The following SNTG1 variants were observed in gnomAD, a reference collection of about 807,000 sequenced individuals.
The protein encoded by SNTG1 is gamma-1-syntrophin.
Under a neutral mutation model 74.7 loss-of-function variants are expected in SNTG1, and 39 were observed. The ratio of observed to expected loss-of-function variants is 0.52; its 90% confidence interval spans 0.40 to 0.68. The LOEUF (loss-of-function observed/expected upper bound fraction) is 0.68, where lower values mean the gene tolerates loss of function less well. Ranked by LOEUF, SNTG1 falls within the 30% of genes least tolerant of loss-of-function variation. The pLI is 0.00. For missense variants in SNTG1, 685 were observed against 609.5 expected (o/e 1.12, Z -1.30); for synonymous variants, 254 against 217.1 (o/e 1.17, Z -1.49).
At chr8:50,564,191 T>G (rs142349085) in intron 12 of SNTG1, among the ~76,000 whole-genome samples, 2 of 152,148 alleles carry the variant, frequency 1.3e-5, no homozygotes, top group African/African-American at 4.8e-5. Flanking sequence ...AAGACTTTCC[T>G]TGTCCTGGTC....
chr8:50,673,287 T>C (rs2095293892), intron 15 of SNTG1, among the ~76,000 whole-genome samples: 1 of 152,236 alleles, frequency 6.6e-6, no homozygotes, highest in African/African-American at 2.4e-5. Flanking sequence ...ATTTTCATGA[T>C]ATTGATTCTT....
upstream of SNTG1, among the ~76,000 whole-genome samples, chr8:49,910,222 G>A (rs947128809): frequency 6.6e-6 from 1 of 152,162 alleles, no homozygotes; most frequent in Non-Finnish European, 1.5e-5. Context: ...CCGGGGAAGG[G>A]AGGCCAGGAG....
intron 18 of SNTG1, among the ~76,000 whole-genome samples, chr8:50,769,070 T>C (rs1349380875): frequency 6.6e-6 from 1 of 151,888 alleles, no homozygotes; most frequent in Admixed American, 6.6e-5. Flanking sequence ...ATATATTTTT[T>C]CTCCTTGCAT....
chr8:50,384,541 T>G (rs973853433), intron 2 of SNTG1, among the ~76,000 whole-genome samples: 1 of 152,196 alleles, frequency 6.6e-6, no homozygotes, highest in Non-Finnish European at 1.5e-5. Context: ...GGCTTATCAC[T>G]CTGGGGAATT....
chr8:50,022,021 G>A (rs963235142), intron 1 of SNTG1, among the ~76,000 whole-genome samples: 6 of 151,718 alleles, frequency 4.0e-5, no homozygotes, highest in African/African-American at 1.5e-4. Flanking sequence ...TTTCTTTAAA[G>A]ACATTTCATT....
intron 17 of SNTG1, among the ~76,000 whole-genome samples, chr8:50,712,268 A>T (rs2095463721): frequency 6.6e-6 from 1 of 152,162 alleles, no homozygotes; most frequent in South Asian, 2.1e-4. Flanking sequence ...ATGAGAAATC[A>T]TGTCTGTGGG....
At chr8:50,623,573 C>T (rs548402262) in intron 13 of SNTG1, among the ~76,000 whole-genome samples, 41 of 151,976 alleles carry the variant, frequency 2.7e-4, no homozygotes, top group Non-Finnish European at 4.9e-4. Context: ...CATTTCTACC[C>T]CACAAAAACA....
At chr8:50,628,503 G>A (rs1369250987) in intron 13 of SNTG1, among the ~76,000 whole-genome samples, 1 of 152,002 alleles carries the variant, frequency 6.6e-6, no homozygotes. Flanking sequence ...GAACTGTCAT[G>A]TTCTAGTCAA....
chr8:50,593,956 G>T (rs900238360), intron 13 of SNTG1, among the ~76,000 whole-genome samples: 1 of 152,112 alleles, frequency 6.6e-6, no homozygotes, highest in African/African-American at 2.4e-5. Context: ...GACCTTAAGT[G>T]ATCTGCCTGC....
chr8:50,082,428 A>G (rs1438170859), intron 1 of SNTG1, among the ~76,000 whole-genome samples: 1 of 152,192 alleles, frequency 6.6e-6, no homozygotes, highest in Non-Finnish European at 1.5e-5. Context: ...GGTTGTTTAT[A>G]TAACTTGCCT....
chr8:50,608,130 T>A (rs1202189195), intron 13 of SNTG1, among the ~76,000 whole-genome samples: 3 of 151,728 alleles, frequency 2.0e-5, no homozygotes, highest in African/African-American at 7.2e-5. Flanking sequence ...TTTTCCTGGA[T>A]CATGTTGCAG....
rs569779445 is a variant in SNTG1 at position 50,642,039 on chromosome 8, C to T, written c.850-14870C>T. 4.6e-5 allele frequency among the ~76,000 whole-genome samples: 7 copies of T among 152,262 alleles called. No homozygotes were observed. In the South Asian group the frequency reaches 1.5e-3, roughly 32 times the overall value. On this transcript the variant is annotated intron_variant, in intron 13 of 18. Coordinates refer to ENST00000642720, the MANE Select transcript of SNTG1 (RefSeq NM_018967.5). ...TATTTTCTATTTCTTTCTAAAATAA[C>T]CACAGTCTTGAAATGTCTAAAACTG...
intron 1 of SNTG1, among the ~76,000 whole-genome samples, chr8:49,984,468 G>T (rs748817019): frequency 6.6e-6 from 1 of 152,144 alleles, no homozygotes; most frequent in African/African-American, 2.4e-5. Flanking sequence ...GCCTCCCAAA[G>T]TGCTGGGATT....
chr8:50,162,559 C>CAAAAAAAAAAAAAAA (rs34746562), intron 1 of SNTG1, among the ~76,000 whole-genome samples: 1 of 83,954 alleles, frequency 1.2e-5, no homozygotes. Flanking sequence ...GACTCTGTCT[C>CAAAAAAAAAAAAAAA]AAAAAAAAAA....
intron 10 of SNTG1, 129 bp from the exon 11 acceptor site, chr8:50,536,549 A>T (rs2094308532): frequency 1.8e-6 from 2 of 1,103,614 alleles, no homozygotes; most frequent in Admixed American, 4.7e-5. Flanking sequence ...ACTTCTTCTC[A>T]TGGTATTCCA....
chr8:50,762,594 A>C (rs1386826593), intron 18 of SNTG1: 2 of 385,102 alleles, frequency 5.2e-6, no homozygotes, highest in African/African-American at 2.1e-5. Context: ...GGAGTCTCCA[A>C]ATACACCATC....
At chr8:50,293,038 G>A (rs986782878) in intron 2 of SNTG1, among the ~76,000 whole-genome samples, 2 of 152,128 alleles carry the variant, frequency 1.3e-5, no homozygotes, top group East Asian at 1.9e-4. Flanking sequence ...CCCCTCAGGA[G>A]GGTCCAGAAT....
rs1187690738 is a variant in SNTG1, at chr8:50,120,076, T to C, written c.-102-52485T>C. On this transcript the variant is annotated intron_variant, in intron 1 of 18. Coordinates refer to ENST00000642720, the MANE Select transcript of SNTG1 (RefSeq NM_018967.5). Reference sequence around the variant, plus strand: ...TAAAAATGTAGCTTTGCCATTTACCTTGGACACATTGCATAACATCTGTCT... The same window carrying C: ...TAAAAATGTAGCTTTGCCATTTACCCTGGACACATTGCATAACATCTGTCT... Among the ~76,000 whole-genome samples, 3 of 141,864 alleles carry C rather than the reference T, an allele frequency of 2.1e-5. 1 individual carries two copies. The highest frequency in any genetic ancestry group is 4.7e-5 in the Non-Finnish European group (3 of 63,680). The allele number at this position is 141,864 out of a possible 152,430, so 93.1% of individuals were successfully genotyped here.
chr8:50,601,805 G>T (rs1299447989), intron 13 of SNTG1, among the ~76,000 whole-genome samples: 3 of 151,968 alleles, frequency 2.0e-5, no homozygotes, highest in African/African-American at 7.3e-5. Context: ...GGGTGCTTTG[G>T]TACTGGGTGC....
Sources: gnomAD v4.1 joint callset for allele counts (sites outside exome capture counted in the v4.1 genomes callset) on GRCh38, gnomAD v4.1.1 for gene constraint, MANE v1.5 for transcripts, NCBI Gene and HGNC (gene_info 2026-07-23, HGNC 2026-07-21) for gene names.